The following MCF2L2 variants were observed in gnomAD, a reference collection of about 807,000 sequenced individuals.
MCF2L2 encodes MCF.2 cell line derived transforming sequence-like 2, also known as probable guanine nucleotide exchange factor MCF2L2.
A neutral mutation model predicts 150.2 loss-of-function variants in MCF2L2; 102 were observed. The observed-to-expected ratio is 0.68, with a 90% CI of 0.58 to 0.80. The LOEUF is 0.80. Ranked by LOEUF, MCF2L2 falls within the 30% of genes least tolerant of loss-of-function variation. The pLI is 0.00. For synonymous variants in MCF2L2, 465 were observed against 491.3 expected (o/e 0.95, Z 0.71); for missense variants, 1,256 against 1,372.8 (o/e 0.91, Z 1.34).
intron 18 of MCF2L2, chr3:183,226,190 A>C (rs1180423870): frequency 6.6e-6 from 1 of 152,234 alleles, no homozygotes; most frequent in African/African-American, 2.4e-5. Flanking sequence ...ACTATTTCAA[A>C]ATTCATTATC....
intron 1 of MCF2L2, among the ~76,000 whole-genome samples, chr3:183,391,640 A>G (rs973940481): frequency 5.3e-5 from 8 of 152,214 alleles, no homozygotes; most frequent in Non-Finnish European, 1.2e-4. Context: ...AAACATGCTG[A>G]CAAAATGTGG....
In MCF2L2 at chr3:183,294,599, A is replaced by ATGTG. The variant is rs766214507; in HGVS notation, c.1675+697_1675+700dup. On this transcript the variant is annotated intron_variant, in intron 13 of 29. Transcript: ENST00000328913. ...TATATGTGTATATACATATATGTGT[A>ATGTG]TGTGTGTGTGTGTGTGTATATATAT... is the stretch of plus-strand genomic sequence containing the variant. Among the ~76,000 whole-genome samples, 97 of 132,306 alleles carry ATGTG rather than the reference A, an allele frequency of 7.3e-4. 3 individuals carry two copies. The South Asian group carries it at 0.019, about 26-fold the overall frequency. The allele number at this position is 132,306 out of a possible 152,430, so 86.8% of individuals were successfully genotyped here.
At chr3:183,277,313 A>T (rs1010641308) in intron 14 of MCF2L2, among the ~76,000 whole-genome samples, 1 of 150,042 alleles carries the variant, frequency 6.7e-6, no homozygotes, top group African/African-American at 2.5e-5. Flanking sequence ...CTCCAGCCTC[A>T]GCAACAGAGC....
chr3:183,249,915 GC>G (rs1364307138), intron 15 of MCF2L2, among the ~76,000 whole-genome samples: 1 of 152,190 alleles, frequency 6.6e-6, no homozygotes, highest in Non-Finnish European at 1.5e-5. Context: ...TGTGAGGGTG[GC>G]AAGGAGACGG....
chr3:183,369,197 A>G (rs1712712649), intron 3 of MCF2L2, among the ~76,000 whole-genome samples: 2 of 152,344 alleles, frequency 1.3e-5, no homozygotes, highest in South Asian at 4.1e-4. Flanking sequence ...TGATGGAATG[A>G]GCAGTCTTAC....
intron 5 of MCF2L2, among the ~76,000 whole-genome samples, chr3:183,329,106 G>A (rs60260086): frequency 0.13 from 19,512 of 152,262 alleles, 1,338 homozygotes; most frequent in African/African-American, 0.14. Flanking sequence ...GAGCCACTTT[G>A]CAAAAACAGT....
At chr3:183,205,825 G>T in intron 25 of MCF2L2, 51 bp downstream of exon 25, 1 of 1,397,886 alleles carries the variant, frequency 7.2e-7, no homozygotes, top group Non-Finnish European at 1.0e-6. Flanking sequence ...ATCCCCCACT[G>T]AGCTGAAATC....
intron 3 of MCF2L2, among the ~76,000 whole-genome samples, chr3:183,368,054 T>C (rs185678320): frequency 1.3e-3 from 199 of 152,336 alleles, no homozygotes; most frequent in Middle Eastern, 3.4e-3. Flanking sequence ...CTTGTGAGTT[T>C]ACCCAAGTTC....
chr3:183,368,273 T>C (rs1341400917), intron 3 of MCF2L2, among the ~76,000 whole-genome samples: 1 of 152,214 alleles, frequency 6.6e-6, no homozygotes, highest in Non-Finnish European at 1.5e-5. Flanking sequence ...CAAGTGATTC[T>C]GTTGTGTCCT....
rs761392855 is a variant in MCF2L2, at chr3:183,323,286, T to C, written c.552A>G (p.Glu184=). ...GGCGATATTCCAAAGTCCCCCCTAATTCCCGGGTCAGTTGGCTTTTGTCGA... is the reference window on the plus strand; with the variant it reads ...GGCGATATTCCAAAGTCCCCCCTAACTCCCGGGTCAGTTGGCTTTTGTCGA... ...GYIDKSQLTR[E]LGGTLEYRHG... Residue 184 remains glutamate, a synonymous_variant, in exon 6 of 30, where the codon GAA becomes GAG. Transcript: ENST00000328913. 1.2e-6 allele frequency: 2 copies of C among 1,613,826 alleles called. No individual in the cohort carries two copies. Among genetic ancestry groups the C allele is most frequent in the Admixed American group, 1.7e-5 (1 of 60,020 alleles).
intron 13 of MCF2L2, among the ~76,000 whole-genome samples, chr3:183,290,011 A>G (rs922170929): frequency 1.2e-4 from 18 of 152,262 alleles, no homozygotes; most frequent in Non-Finnish European, 2.4e-4. Flanking sequence ...TTCAAAGACT[A>G]AATTCTAGGT....
intron 13 of MCF2L2, among the ~76,000 whole-genome samples, chr3:183,293,626 TA>T (rs1210826334): frequency 6.6e-6 from 1 of 152,206 alleles, no homozygotes; most frequent in African/African-American, 2.4e-5. Context: ...ACATCATACT[TA>T]AAGATGAAAC....
intron 1 of MCF2L2, among the ~76,000 whole-genome samples, chr3:183,409,909 TA>T (rs35384362): frequency 0.48 from 72,880 of 151,868 alleles, 18,773 homozygotes; most frequent in African/African-American, 0.69. Flanking sequence ...CCCAATCTCT[TA>T]ACTCCTAGAA....
In MCF2L2 at chr3:183,195,219, C is replaced by T. The variant is rs568835450; in HGVS notation, c.2918+3G>A. Reference sequence around the variant, plus strand: ...CCTTTAAAATAAAAAAATCAGTACTCACCTCGTGCTCATTTCAAACTGTGG... The same window carrying T: ...CCTTTAAAATAAAAAAATCAGTACTTACCTCGTGCTCATTTCAAACTGTGG... On this transcript the variant is annotated splice_donor_region_variant and intron_variant, in intron 26 of 29. Coordinates refer to ENST00000328913, the MANE Select transcript of MCF2L2 (RefSeq NM_015078.4). 64 of 1,603,130 alleles carry T rather than the reference C, an allele frequency of 4.0e-5. 2 individuals carry two copies. The South Asian group carries it at 5.8e-4, about 14-fold the overall frequency.
chr3:183,387,419 G>A lies in MCF2L2; in HGVS notation c.160+2277C>T, dbSNP rs539996664. 7.2e-5 allele frequency among the ~76,000 whole-genome samples: 11 copies of A among 152,284 alleles called. No homozygotes were observed. The South Asian group carries it at 1.0e-3, about 14-fold the overall frequency. ...GTGTTTCCACAGTTCTCTGTTCTACGTTAGGGAGTGACAATTATCTCTATT... is the reference window on the plus strand; with the variant it reads ...GTGTTTCCACAGTTCTCTGTTCTACATTAGGGAGTGACAATTATCTCTATT... On this transcript the variant is annotated intron_variant, in intron 2 of 29. Transcript: ENST00000328913.
At chr3:183,422,484 C>T (rs1186739518) in intron 1 of MCF2L2, among the ~76,000 whole-genome samples, 1 of 152,182 alleles carries the variant, frequency 6.6e-6, no homozygotes, top group Non-Finnish European at 1.5e-5. Flanking sequence ...TCAGTATTCT[C>T]AGCCCGCTGT....
chr3:183,304,429 A>G (rs9875596), intron 10 of MCF2L2, among the ~76,000 whole-genome samples: 3,244 of 151,426 alleles, frequency 0.021, 130 homozygotes, highest in African/African-American at 0.075. Context: ...CCACCCCTAC[A>G]AGATGACTGG....
At chr3:183,399,592 A>G (rs1714633698) in intron 1 of MCF2L2, among the ~76,000 whole-genome samples, 1 of 152,196 alleles carries the variant, frequency 6.6e-6, no homozygotes, top group Non-Finnish European at 1.5e-5. Context: ...TCACCAGCCC[A>G]TCGAAGGGAA....
rs1722548005 is a variant in MCF2L2, at chr3:183,207,711, C to T, written c.2609G>A (p.Arg870Lys). ...KDLIRFKPSQ[R>K]QIYLFERGIV... The stretch of plus-strand genomic sequence containing the variant: ...TCCCCTTTCAAATAGGTAGATTTGC[C>T]TCTGGCTGGGTTTAAATCGAATCAA... The change falls in exon 23 of 30, where the codon AGG becomes AAG. Residue 870 changes from arginine (R) to lysine (K), a missense_variant. Coordinates refer to ENST00000328913, the MANE Select transcript of MCF2L2 (RefSeq NM_015078.4). 1 of 1,614,056 alleles carries T rather than the reference C, an allele frequency of 6.2e-7. No individual in the cohort carries two copies. The highest frequency in any genetic ancestry group is 8.5e-7 in the Non-Finnish European group (1 of 1,180,004).
Sources: gnomAD v4.1 joint callset for allele counts (sites outside exome capture counted in the v4.1 genomes callset) on GRCh38, gnomAD v4.1.1 for gene constraint, MANE v1.5 for transcripts, NCBI Gene and HGNC (gene_info 2026-07-23, HGNC 2026-07-21) for gene names.